Variants in EYS observed in about 807,000 individuals in gnomAD.
EYS encodes the protein EGF-like photoreceptor maintenance factor, also known as protein eyes shut homolog.
In EYS, 250 loss-of-function variants were observed where a neutral mutation model predicts 282.1. That is an observed-to-expected ratio of 0.89 (90% confidence interval 0.80 to 0.98). The LOEUF is 0.98. EYS is among the 50% of genes least tolerant of loss of function. The pLI is 0.00. For synonymous variants in EYS, 1,355 were observed against 1,282.9 expected (o/e 1.06, Z -1.20); for missense variants, 4,016 against 3,709.0 (o/e 1.08, Z -2.15).
At chr6:64,522,163 C>T (rs956520471) in intron 26 of EYS, among the ~76,000 whole-genome samples, 10 of 151,752 alleles carry the variant, frequency 6.6e-5, no homozygotes, top group East Asian at 1.9e-4. Context: ...TTGAAGTATG[C>T]GGTGCTTTTC....
intron 13 of EYS, among the ~76,000 whole-genome samples, chr6:65,000,347 CCTT>C (rs1451200840): frequency 6.6e-6 from 1 of 152,174 alleles, no homozygotes; most frequent in Non-Finnish European, 1.5e-5. Flanking sequence ...TTAAAATAGG[CCTT>C]CTATGAATCT....
chr6:64,146,597 G>A (rs2150291430), intron 31 of EYS, among the ~76,000 whole-genome samples: 1 of 152,214 alleles, frequency 6.6e-6, no homozygotes, highest in Middle Eastern at 3.4e-3. Context: ...ATGCAGGCTT[G>A]GGTCCACCAG....
intron 31 of EYS, among the ~76,000 whole-genome samples, chr6:64,127,240 G>A (rs1024289026): frequency 6.6e-5 from 10 of 152,112 alleles, no homozygotes; most frequent in African/African-American, 2.4e-4. Flanking sequence ...TAGTTACATG[G>A]AAGGAAAAAG....
At chr6:64,942,528 A>G (rs1769123044) in intron 15 of EYS, among the ~76,000 whole-genome samples, 1 of 148,738 alleles carries the variant, frequency 6.7e-6, no homozygotes, top group African/African-American at 2.5e-5. Flanking sequence ...CAGAGATGAC[A>G]AAGGTGACAT....
intron 30 of EYS, among the ~76,000 whole-genome samples, chr6:64,250,706 T>TA (rs955981138): frequency 2.0e-5 from 3 of 152,304 alleles, no homozygotes; most frequent in Non-Finnish European, 4.4e-5. Context: ...AGTATGCACC[T>TA]AAAAAACTAG....
chr6:64,101,407 T>C (rs1472069150), intron 31 of EYS, among the ~76,000 whole-genome samples: 6 of 152,176 alleles, frequency 3.9e-5, no homozygotes, highest in Non-Finnish European at 7.3e-5. Context: ...TAATAACTTA[T>C]AGAATAAATA....
intron 7 of EYS, among the ~76,000 whole-genome samples, chr6:65,390,184 T>A (rs537313326): frequency 6.6e-5 from 10 of 151,500 alleles, no homozygotes; most frequent in African/African-American, 2.4e-4. Flanking sequence ...ATTAGCAAAA[T>A]AATTATCAAA....
intron 24 of EYS, among the ~76,000 whole-genome samples, chr6:64,598,471 A>G (rs1400707288): frequency 2.0e-5 from 3 of 152,214 alleles, no homozygotes; most frequent in Admixed American, 6.5e-5. Flanking sequence ...AAAAACAAAC[A>G]AACAAACAAA....
At chr6:64,622,132 C>T (rs1340971971) in intron 23 of EYS, among the ~76,000 whole-genome samples, 1 of 152,094 alleles carries the variant, frequency 6.6e-6, no homozygotes, top group Non-Finnish European at 1.5e-5. Flanking sequence ...ATGTTTCTTG[C>T]ACAAAGAATT....
At chr6:64,099,843 C>T (rs905248935) in intron 31 of EYS, among the ~76,000 whole-genome samples, 2 of 152,078 alleles carry the variant, frequency 1.3e-5, no homozygotes, top group Non-Finnish European at 2.9e-5. Context: ...AGAATAACAT[C>T]ACAGAGAATT....
At chr6:63,896,054 ATCTG>A (rs1336302890) in intron 35 of EYS, among the ~76,000 whole-genome samples, 2 of 152,072 alleles carry the variant, frequency 1.3e-5, no homozygotes, top group Admixed American at 6.6e-5. Context: ...GGAATATGGT[ATCTG>A]TCTGTCCAAC....
At chr6:64,954,721 A>G (rs758977373) in intron 14 of EYS, among the ~76,000 whole-genome samples, 1 of 152,204 alleles carries the variant, frequency 6.6e-6, no homozygotes, top group Non-Finnish European at 1.5e-5. Flanking sequence ...AAGATGGTGG[A>G]ATAGAAAGCT....
rs1383244824 is a variant in EYS at position 64,388,846 on chromosome 6, A to C, written c.5928-6T>G. The C allele has an allele frequency of 1.3e-6, 2 of 1,483,026 alleles. No homozygotes were observed. Among genetic ancestry groups the C allele is most frequent in the Admixed American group, 2.4e-5 (1 of 40,932 alleles). The allele number at this position is 1,483,026 out of a possible 1,614,324, so 91.9% of individuals were successfully genotyped here. A position where few individuals can be genotyped will look rare whatever the true frequency, so the allele number is the denominator to read the frequency against. ...TACATGGATCCAATTCTTGCCTGTA[A>C]CCATTTAAGAAAGAAATGGTTTTAG... is the stretch of plus-strand genomic sequence containing the variant. On this transcript the variant is annotated splice_region_variant and splice_polypyrimidine_tract_variant and intron_variant, in intron 28 of 42. Coordinates refer to ENST00000503581, the MANE Select transcript of EYS (RefSeq NM_001142800.2).
chr6:65,359,718 G>C (rs1431021324), intron 8 of EYS, among the ~76,000 whole-genome samples: 1 of 151,876 alleles, frequency 6.6e-6, no homozygotes, highest in Non-Finnish European at 1.5e-5. Flanking sequence ...TTAATAGTGG[G>C]AAAACCTCAC....
chr6:63,924,956 A>G (rs1199759455), intron 35 of EYS, among the ~76,000 whole-genome samples: 1 of 152,226 alleles, frequency 6.6e-6, no homozygotes, highest in Non-Finnish European at 1.5e-5. Flanking sequence ...TTTCTTCACC[A>G]CTACCCGCAA....
chr6:64,311,624 T>G (rs6921920), intron 29 of EYS, among the ~76,000 whole-genome samples: 114,706 of 152,074 alleles, frequency 0.75, 43,882 homozygotes, highest in African/African-American at 0.9. Context: ...GCAGCTCCCA[T>G]CAAGATCAAC....
intron 22 of EYS, among the ~76,000 whole-genome samples, chr6:64,706,658 G>A (rs1771029478): frequency 6.6e-6 from 1 of 151,992 alleles, no homozygotes. Flanking sequence ...CTAAGGACAC[G>A]AATAGACAAT....
intron 12 of EYS, among the ~76,000 whole-genome samples, chr6:65,153,107 T>C (rs1764651263): frequency 1.3e-5 from 2 of 151,884 alleles, no homozygotes; most frequent in Admixed American, 1.3e-4. Flanking sequence ...CTACATAAGA[T>C]TGTAACATCC....
intron 18 of EYS, among the ~76,000 whole-genome samples, chr6:64,892,045 A>C (rs1264065516): frequency 6.6e-6 from 1 of 152,124 alleles, no homozygotes; most frequent in Non-Finnish European, 1.5e-5. Flanking sequence ...TTTAACAGTG[A>C]CTTCTGAAGA....
Sources: allele counts gnomAD v4.1 joint callset (sites outside exome capture counted in the v4.1 genomes callset), GRCh38; gene constraint gnomAD v4.1.1; transcripts MANE v1.5; gene names NCBI Gene and HGNC (gene_info 2026-07-23, HGNC 2026-07-21).